KCNT1: variants seen among roughly 807,000 people sequenced by gnomAD.
KCNT1 encodes the protein potassium channel subfamily T member 1.
In KCNT1, 78 loss-of-function variants were observed where a neutral mutation model predicts 147.8. The ratio of observed to expected loss-of-function variants is 0.53; its 90% CI spans 0.44 to 0.64. The LOEUF (loss-of-function observed/expected upper bound fraction) is 0.64, where lower values mean the gene tolerates loss of function less well. KCNT1 is among the 30% of genes least tolerant of loss of function. The pLI is 0.00. For synonymous variants in KCNT1, 867 were observed against 748.8 expected, an observed-to-expected ratio of 1.16 and a Z score of -2.58; for missense variants, 1,419 against 1,750.3, an observed-to-expected ratio of 0.81 and a Z score of 3.38.
intron 17 of KCNT1, 62 bp downstream of exon 17, chr9:135,770,509 C>CACCCTCCCG (rs1564370607): frequency 2.6e-6 from 4 of 1,541,736 alleles, no homozygotes; most frequent in East Asian, 2.3e-5. Flanking sequence ...GTGCCCTCCC[C>CACCCTCCCG]ACCCTCCCGG....
At chr9:135,704,852 C>T (rs768115572) in intron 1 of KCNT1, among the ~76,000 whole-genome samples, 17 of 152,216 alleles carry the variant, frequency 1.1e-4, no homozygotes, top group Non-Finnish European at 1.9e-4. Flanking sequence ...TTTGAGGGCC[C>T]AAGATACCGC....
intron 3 of KCNT1, chr9:135,750,452 G>T: frequency 1.9e-6 from 1 of 532,386 alleles, no homozygotes; most frequent in African/African-American, 1.9e-5. Context: ...TGGACACCAG[G>T]CTGGGTGGGG....
chr9:135,784,466 C>G (rs574945363), intron 25 of KCNT1, 69 bp from the exon 26 acceptor site: 1 of 1,130,846 alleles, frequency 8.8e-7, no homozygotes, highest in Non-Finnish European at 1.3e-6. Context: ...CGCCCGTGCC[C>G]GCGTGCCTCA....
intron 21 of KCNT1, among the ~76,000 whole-genome samples, chr9:135,777,801 C>T (rs1833280832): frequency 6.6e-6 from 1 of 151,338 alleles, no homozygotes. Flanking sequence ...CAGCTCCACC[C>T]AACTCCCAGC....
chr9:135,782,267 C>T (rs1453742955), intron 24 of KCNT1, among the ~76,000 whole-genome samples: 2 of 152,208 alleles, frequency 1.3e-5, no homozygotes, highest in African/African-American at 4.8e-5. Flanking sequence ...TGACATGCAT[C>T]TCCCCTTGAG....
intron 1 of KCNT1, among the ~76,000 whole-genome samples, chr9:135,705,060 C>T (rs1835196084): frequency 6.6e-6 from 1 of 152,318 alleles, no homozygotes; most frequent in South Asian, 2.1e-4. Flanking sequence ...CGGCAGCCTC[C>T]AAGTGTGCTG....
intron 2 of KCNT1, among the ~76,000 whole-genome samples, chr9:135,739,013 C>A (rs1442056621): frequency 6.6e-6 from 1 of 152,096 alleles, no homozygotes; most frequent in Non-Finnish European, 1.5e-5. Context: ...TCCCTACCAC[C>A]CCTGGACCTA....
chr9:135,759,329 A>C (rs796810116), intron 10 of KCNT1, among the ~76,000 whole-genome samples: 123 of 152,242 alleles, frequency 8.1e-4, no homozygotes, highest in African/African-American at 2.8e-3. Context: ...CACGCTGATG[A>C]CACAGCCCTG....
At chr9:135,735,312 G>A (rs779967377) in intron 2 of KCNT1, among the ~76,000 whole-genome samples, 27 of 152,348 alleles carry the variant, frequency 1.8e-4, no homozygotes, top group Non-Finnish European at 3.2e-4. Context: ...GCATGATGGC[G>A]GCTCAGCGTT....
At chr9:135,779,762 C>T (rs1173354907) in intron 24 of KCNT1, among the ~76,000 whole-genome samples, 1 of 152,222 alleles carries the variant, frequency 6.6e-6, no homozygotes, top group Non-Finnish European at 1.5e-5. Flanking sequence ...TATCTGGAGG[C>T]CAAGGCCATC....
chr9:135,739,834 C>T (rs1206515026), intron 2 of KCNT1, among the ~76,000 whole-genome samples: 1 of 152,210 alleles, frequency 6.6e-6, no homozygotes, highest in African/African-American at 2.4e-5. Flanking sequence ...GACCCAGGAG[C>T]GTGCACAGGG....
In KCNT1 at chr9:135,793,946, A is replaced by C. The variant is rs1235784874; in HGVS notation, c.*1785A>C. ...AAGCAGCGAGCACGCCCTGCCCCGCAGTCACCCCGCCCCGCAGTCGCCCTG... is the reference window on the plus strand; with the variant it reads ...AAGCAGCGAGCACGCCCTGCCCCGCCGTCACCCCGCCCCGCAGTCGCCCTG... On this transcript the variant is annotated 3_prime_UTR_variant, in exon 31 of 31. Coordinates refer to ENST00000371757, the MANE Select transcript of KCNT1 (RefSeq NM_020822.3). The C allele has an allele frequency of 1.3e-5, 2 of 152,592 alleles. No homozygotes were observed. Among genetic ancestry groups the C allele is most frequent in the African/African-American group, 4.8e-5 (2 of 41,358 alleles). 9.5% of individuals were successfully genotyped at this position (152,592 alleles called of 1,614,324 possible).
chr9:135,773,006 G>C, intron 19 of KCNT1, 57 bp downstream of exon 19: 1 of 1,231,112 alleles, frequency 8.1e-7, no homozygotes, highest in Non-Finnish European at 1.1e-6. Context: ...CATGAGTGCG[G>C]GGGATGGGTG....
At position 135,772,839 on chromosome 9, in the gene KCNT1, G is replaced by A. The variant is rs755266973; in HGVS notation, c.2133G>A (p.Ala711=). 79 of 1,539,578 alleles carry A rather than the reference G, an allele frequency of 5.1e-5. 1 individual carries two copies. Among genetic ancestry groups the A allele is most frequent in the Non-Finnish European group, 6.3e-5 (72 of 1,142,128 alleles). ...NGSGSRRPSI[A]PVLELADSSA... The stretch of plus-strand genomic sequence containing the variant: ...CGGGCAGCCGGCGGCCCAGCATCGC[G>A]CCCGTCCTGGAACTGGCCGACAGCT... Residue 711 remains alanine, a synonymous_variant, in exon 19 of 31, where the codon GCG becomes GCA. Transcript: ENST00000371757.
At chr9:135,742,928 G>C in intron 2 of KCNT1, 1 of 677,406 alleles carries the variant, frequency 1.5e-6, no homozygotes, top group East Asian at 2.7e-5. Flanking sequence ...AGCTGGGCCA[G>C]GGCCACCGGC....
At chr9:135,769,505 T>G (rs1016898395) in intron 15 of KCNT1, among the ~76,000 whole-genome samples, 2 of 152,290 alleles carry the variant, frequency 1.3e-5, no homozygotes, top group East Asian at 3.9e-4. Flanking sequence ...TGAAGTCTTA[T>G]GCTGGGATCC....
At chr9:135,704,796 G>A (rs1835179574) in intron 1 of KCNT1, among the ~76,000 whole-genome samples, 1 of 152,246 alleles carries the variant, frequency 6.6e-6, no homozygotes, top group African/African-American at 2.4e-5. Flanking sequence ...ATATTAGGGA[G>A]CAGTGCCTTC....
intron 11 of KCNT1, among the ~76,000 whole-genome samples, chr9:135,760,681 C>T (rs1831856106): frequency 1.3e-5 from 2 of 152,230 alleles, no homozygotes; most frequent in Admixed American, 1.3e-4. Context: ...TGGGCCCAGG[C>T]CAGGCCTGGC....
chr9:135,773,002 T>A, intron 19 of KCNT1, 53 bp downstream of exon 19: 2 of 1,276,816 alleles, frequency 1.6e-6, no homozygotes, highest in Non-Finnish European at 2.1e-6. Context: ...CGCCCATGAG[T>A]GCGGGGGATG....
Sources: allele counts gnomAD v4.1 joint callset (sites outside exome capture counted in the v4.1 genomes callset), GRCh38; gene constraint gnomAD v4.1.1; transcripts MANE v1.5; gene names NCBI Gene and HGNC (gene_info 2026-07-23, HGNC 2026-07-21).